Variants in ACAD10 observed in about 807,000 individuals in gnomAD.
ACAD10 encodes ACAD-10.
Under a neutral mutation model 116.8 loss-of-function variants are expected in ACAD10, and 112 were observed. The ratio of observed to expected loss-of-function variants is 0.96; its 90% confidence interval spans 0.82 to 1.12. The LOEUF (loss-of-function observed/expected upper bound fraction) is 1.12, where lower values mean the gene tolerates loss of function less well. Ranked by LOEUF, ACAD10 falls within the 50% of genes most tolerant of loss-of-function variation. ACAD10 has a pLI of 0.00. For missense variants in ACAD10, 1,259 were observed against 1,350.2 expected, an observed-to-expected ratio of 0.93 and a Z score of 1.06; for synonymous variants, 486 against 510.6, an observed-to-expected ratio of 0.95 and a Z score of 0.65.
At chr12:111,712,352 T>C in intron 5 of ACAD10, 146 bp from the exon 6 acceptor site, 1 of 677,680 alleles carries the variant, frequency 1.5e-6, no homozygotes, top group East Asian at 3.0e-5. Flanking sequence ...TGCTGGCACC[T>C]GTTCAATATA....
intron 2 of ACAD10, among the ~76,000 whole-genome samples, chr12:111,697,584 CTTTTTT>C (rs762619644): frequency 8.3e-6 from 1 of 120,546 alleles, no homozygotes; most frequent in Non-Finnish European, 1.7e-5. Context: ...TGGTCTCTCT[CTTTTTT>C]TTTTTTTTTT....
rs1888086670 is a variant in ACAD10 at position 111,692,717 on chromosome 12, T to A, written c.8T>A (p.Val3Asp). MCVRSCFQSPRLQ... is the reference protein window; with the variant it reads MCDRSCFQSPRLQ... ...CACAGCCTCAGCCTCACCATGTGTG[T>A]CAGGAGCTGTTTCCAGTCCCCCCGT... Residue 3 changes from valine to aspartate, a missense_variant, in exon 2 of 21, where the codon GTC becomes GAC. Coordinates refer to ENST00000313698, the MANE Select transcript of ACAD10 (RefSeq NM_025247.6). The A allele has an allele frequency of 6.2e-7, 1 of 1,613,606 alleles. No homozygotes were observed. The highest frequency in any genetic ancestry group is 8.5e-7 in the Non-Finnish European group (1 of 1,179,880).
intron 10 of ACAD10, among the ~76,000 whole-genome samples, chr12:111,733,254 C>T (rs1000763506): frequency 3.9e-5 from 6 of 152,128 alleles, no homozygotes; most frequent in African/African-American, 7.2e-5. Flanking sequence ...TGCACTACCA[C>T]GCTCAGCTAA....
intron 4 of ACAD10, 117 bp downstream of exon 4, chr12:111,706,049 T>A: frequency 9.2e-7 from 1 of 1,086,908 alleles, no homozygotes; most frequent in Non-Finnish European, 1.3e-6. Flanking sequence ...CTTCAGCCAC[T>A]TGACTAAGTT....
At chr12:111,743,369 G>GGT (rs1480851869) in intron 12 of ACAD10, among the ~76,000 whole-genome samples, 14 of 136,432 alleles carry the variant, frequency 1.0e-4, no homozygotes, top group Non-Finnish European at 1.3e-4. Context: ...GAAATATTCT[G>GGT]TTTTTTTTTT....
At chr12:111,755,862 C>T (rs2068079816) in intron 20 of ACAD10, 117 bp downstream of exon 20, 1 of 1,030,256 alleles carries the variant, frequency 9.7e-7, no homozygotes, top group Non-Finnish European at 1.5e-6. Flanking sequence ...GTCACCCACT[C>T]ACCATGCATG....
intron 8 of ACAD10, 98 bp downstream of exon 8, chr12:111,721,837 T>C: frequency 9.3e-7 from 1 of 1,076,086 alleles, no homozygotes; most frequent in Non-Finnish European, 1.3e-6. Context: ...CAAATAAAAT[T>C]TGGGTAGGAG....
chr12:111,721,740 G>A lies in ACAD10; in HGVS notation c.1061+1G>A, dbSNP rs754027560. ...TTCTTGATCTCTGTGAAGATTCAAG[G>A]TAAAGTTCAGATGTTTTTGCTATTG... On this transcript the variant is annotated splice_donor_variant, in intron 8 of 20. Transcript: ENST00000313698. LOFTEE classifies it high-confidence loss of function. 5 of 1,593,460 alleles carry A rather than the reference G, an allele frequency of 3.1e-6. No homozygotes were observed. Among genetic ancestry groups the A allele is most frequent in the African/African-American group, 1.3e-5 (1 of 74,644 alleles).
rs762056678 is a variant in ACAD10, at chr12:111,747,200, G to GCC, written c.2394+15_2394+16insCC. On this transcript the variant is annotated intron_variant, in intron 15 of 20. Transcript: ENST00000313698. ...ACCGAGCCCCAGGTACGTCGCCTGG[G>GCC]CTGCCACCCACTTGCCTGGCCCTGT... 6.2e-7 allele frequency: 1 copy of GCC among 1,607,956 alleles called. No individual in the cohort carries two copies. The highest frequency in any genetic ancestry group is 1.1e-5 in the South Asian group (1 of 90,860).
In ACAD10 at chr12:111,743,817, GCTCA is replaced by G. The variant is rs367577349; in HGVS notation, c.1715-823_1715-820del. Among the ~76,000 whole-genome samples, 323 of 152,004 alleles carry G rather than the reference GCTCA, an allele frequency of 2.1e-3. 2 individuals carry two copies. Among genetic ancestry groups the G allele is most frequent in the African/African-American group, 7.5e-3 (309 of 41,446 alleles). ...GCTGGAGTGCAATGGCACGATCTCGGCTCACTGCAACCTCTGCCTCCCAGGTTCA... is the reference window on the plus strand; with the variant it reads ...GCTGGAGTGCAATGGCACGATCTCGGCTGCAACCTCTGCCTCCCAGGTTCA... On this transcript the variant is annotated intron_variant, in intron 12 of 20. Transcript: ENST00000313698.
intron 20 of ACAD10, 56 bp from the exon 21 acceptor site, chr12:111,756,277 G>T: frequency 6.6e-7 from 1 of 1,519,472 alleles, no homozygotes; most frequent in East Asian, 2.3e-5. Flanking sequence ...CATTCCTGGG[G>T]CTCTCGGAGA....
chr12:111,710,647 A>G (rs1888650417), intron 5 of ACAD10, among the ~76,000 whole-genome samples: 1 of 151,748 alleles, frequency 6.6e-6, no homozygotes, highest in Non-Finnish European at 1.5e-5. Flanking sequence ...GGCGCACGCC[A>G]CCATGCCCGG....
chr12:111,701,115 C>T (rs1210685325), intron 2 of ACAD10, among the ~76,000 whole-genome samples: 1 of 152,058 alleles, frequency 6.6e-6, no homozygotes, highest in African/African-American at 2.4e-5. Flanking sequence ...TTTCAATGCA[C>T]AGACACTACT....
intron 2 of ACAD10, among the ~76,000 whole-genome samples, chr12:111,696,237 G>C (rs936426484): frequency 6.6e-6 from 1 of 151,722 alleles, no homozygotes; most frequent in African/African-American, 2.4e-5. Context: ...GTTTTTTATA[G>C]AGATGGGGTC....
intron 2 of ACAD10, among the ~76,000 whole-genome samples, chr12:111,696,449 CAT>C (rs780367101): frequency 2.8e-4 from 43 of 152,196 alleles, no homozygotes; most frequent in East Asian, 1.4e-3. Context: ...TATTTTGTGA[CAT>C]GTGAAAATTA....
chr12:111,717,570 AT>A (rs761647702), intron 7 of ACAD10, among the ~76,000 whole-genome samples: 497 of 141,152 alleles, frequency 3.5e-3, no homozygotes, highest in Middle Eastern at 3.7e-3. Context: ...GTATTAGCTG[AT>A]TTTTTTTTTT....
At chr12:111,692,278 A>AT (rs1888070847) in intron 1 of ACAD10, among the ~76,000 whole-genome samples, 1 of 152,150 alleles carries the variant, frequency 6.6e-6, no homozygotes, top group Non-Finnish European at 1.5e-5. Flanking sequence ...CAGATTTACA[A>AT]TTTTTAAAGA....
At chr12:111,744,232 T>A (rs1468183692) in intron 12 of ACAD10, among the ~76,000 whole-genome samples, 1 of 152,128 alleles carries the variant, frequency 6.6e-6, no homozygotes, top group Non-Finnish European at 1.5e-5. Context: ...ATTGCTGTTA[T>A]CAATTTTGTA....
intron 18 of ACAD10, 57 bp downstream of exon 18, chr12:111,749,402 T>C: frequency 6.4e-7 from 1 of 1,564,444 alleles, no homozygotes; most frequent in Non-Finnish European, 8.7e-7. Context: ...TCTGCTTTGC[T>C]GTCGGACTTC....
Sources: allele counts gnomAD v4.1 joint callset (sites outside exome capture counted in the v4.1 genomes callset), GRCh38; gene constraint gnomAD v4.1.1; transcripts MANE v1.5; gene names NCBI Gene and HGNC (gene_info 2026-07-23, HGNC 2026-07-21).